TNPO3: variants seen among roughly 807,000 people sequenced by gnomAD.
The protein encoded by TNPO3 is transportin-3.
In TNPO3, 65 loss-of-function variants were observed where a neutral mutation model predicts 122.8. That is an observed-to-expected ratio of 0.53 (90% CI 0.43 to 0.65). The LOEUF (loss-of-function observed/expected upper bound fraction) is 0.65, where lower values mean the gene tolerates loss of function less well. TNPO3 is among the 30% of genes least tolerant of loss of function. The pLI is 0.00. For synonymous variants in TNPO3, 372 were observed against 411.2 expected, an observed-to-expected ratio of 0.90 and a Z score of 1.15; for missense variants, 850 against 1,136.7, an observed-to-expected ratio of 0.75 and a Z score of 3.63.
intron 12 of TNPO3, 46 bp downstream of exon 12, chr7:128,986,683 G>C: frequency 1.3e-6 from 2 of 1,517,316 alleles, no homozygotes; most frequent in Non-Finnish European, 1.8e-6. Context: ...ATTACCCCAG[G>C]TAGTGGCTTT....
chr7:129,018,314 T>A (rs1046215154), intron 1 of TNPO3, among the ~76,000 whole-genome samples, 157 bp from the exon 2 acceptor site: 1 of 152,226 alleles, frequency 6.6e-6, no homozygotes, highest in Non-Finnish European at 1.5e-5. Context: ...CAGTTCAATA[T>A]ACATTGTTAT....
At chr7:128,969,581 G>A (rs1798255541) in intron 20 of TNPO3, among the ~76,000 whole-genome samples, 1 of 152,086 alleles carries the variant, frequency 6.6e-6, no homozygotes, top group Non-Finnish European at 1.5e-5. Flanking sequence ...TTATGGTCAT[G>A]TGGCCCAGTA....
At chr7:129,009,970 A>G (rs1279559316) in intron 4 of TNPO3, among the ~76,000 whole-genome samples, 1 of 152,142 alleles carries the variant, frequency 6.6e-6, no homozygotes, top group Non-Finnish European at 1.5e-5. Context: ...ACCTGGTTGG[A>G]CCTAAATGAA....
At chr7:129,001,852 G>A (rs11763959) in intron 5 of TNPO3, among the ~76,000 whole-genome samples, 63,067 of 151,984 alleles carry the variant, frequency 0.41, 13,708 homozygotes, top group East Asian at 0.47. Context: ...CAAATGGAAA[G>A]CCATGTGTTC....
At chr7:128,956,708 C>T (rs368756102) in intron 22 of TNPO3, among the ~76,000 whole-genome samples, 3 of 152,138 alleles carry the variant, frequency 2.0e-5, no homozygotes, top group South Asian at 2.1e-4. Flanking sequence ...CCAAGCATTT[C>T]GGATAAGGGA....
chr7:128,974,878 G>C lies in TNPO3; in HGVS notation c.2263C>G (p.Leu755Val). ...TTCAGAAGGATTTACCTGGTGGCTA[G>C]CCGGAACAGGTCATCTACAGTGTCA... ...HPDTVDDLFR[L>V]ATRFIQRSPV... is the part of the protein sequence containing the mutation. The change falls in exon 18 of 23, where the codon CTA becomes GTA. Residue 755 changes from leucine (L) to valine (V), a missense_variant. By Grantham distance (32) the Leu-to-Val change is conservative (BLOSUM62 1). Coordinates refer to ENST00000265388, the MANE Select transcript of TNPO3 (RefSeq NM_012470.4). 7 of 1,613,976 alleles carry C rather than the reference G, an allele frequency of 4.3e-6. No individual in the cohort carries two copies. The highest frequency in any genetic ancestry group is 2.2e-5 in the East Asian group (1 of 44,882).
At chr7:129,006,700 A>G (rs1802614583) in intron 4 of TNPO3, among the ~76,000 whole-genome samples, 1 of 152,218 alleles carries the variant, frequency 6.6e-6, no homozygotes, top group Non-Finnish European at 1.5e-5. Context: ...GTTACAATGC[A>G]GATATAAACT....
intron 8 of TNPO3, among the ~76,000 whole-genome samples, chr7:128,996,071 T>C (rs1169101077): frequency 1.3e-5 from 2 of 152,146 alleles, no homozygotes; most frequent in African/African-American, 4.8e-5. Context: ...TGACTAAGGT[T>C]GTGTGGAGAT....
chr7:129,050,979 C>G (rs1292517815), intron 1 of TNPO3, among the ~76,000 whole-genome samples: 1 of 152,170 alleles, frequency 6.6e-6, no homozygotes, highest in Non-Finnish European at 1.5e-5. Context: ...AATTATCCAA[C>G]AGACCTAGCG....
At chr7:129,051,107 G>C (rs1341003765) in intron 1 of TNPO3, among the ~76,000 whole-genome samples, 1 of 151,158 alleles carries the variant, frequency 6.6e-6, no homozygotes, top group Non-Finnish European at 1.5e-5. Context: ...ACTGAGATTT[G>C]AGGGTGACTT....
intron 3 of TNPO3, among the ~76,000 whole-genome samples, chr7:129,015,631 G>A (rs183023066): frequency 6.6e-5 from 10 of 152,088 alleles, no homozygotes; most frequent in Admixed American, 5.2e-4. Flanking sequence ...CCACAAGTTC[G>A]AGACCAGCCT....
At chr7:129,028,816 G>A (rs1050895592) in intron 1 of TNPO3, 11 of 252,236 alleles carry the variant, frequency 4.4e-5, no homozygotes, top group Non-Finnish European at 7.7e-5. Flanking sequence ...GTCTTTGTGA[G>A]AAGCTGGAAA....
chr7:129,045,982 G>A (rs1193779242), intron 1 of TNPO3, among the ~76,000 whole-genome samples: 2 of 152,022 alleles, frequency 1.3e-5, no homozygotes, highest in East Asian at 1.9e-4. Context: ...GGTGGATCAC[G>A]AGATCAGGAG....
At chr7:128,960,642 A>T (rs1797354206) in intron 21 of TNPO3, among the ~76,000 whole-genome samples, 1 of 151,926 alleles carries the variant, frequency 6.6e-6, no homozygotes, top group African/African-American at 2.4e-5. Context: ...AAATTTTTTA[A>T]TGAGCTGTAC....
rs1801440380 is a variant in TNPO3 at position 128,997,331 on chromosome 7, A to G, written c.1158+58T>C. 4 of 1,589,658 alleles carry G rather than the reference A, an allele frequency of 2.5e-6. No individual in the cohort carries two copies. In the African/African-American group the frequency reaches 5.4e-5, roughly 21 times the overall value. ...TATCTATCTTCTCAGTTCCTTTTCAAGTTGGCACTGACAAGAGGAAGAAAT... is the reference window on the plus strand; with the variant it reads ...TATCTATCTTCTCAGTTCCTTTTCAGGTTGGCACTGACAAGAGGAAGAAAT... On this transcript the variant is annotated intron_variant, in intron 8 of 22. Coordinates refer to ENST00000265388, the MANE Select transcript of TNPO3 (RefSeq NM_012470.4).
At chr7:128,988,810 G>A (rs1800446441) in intron 11 of TNPO3, among the ~76,000 whole-genome samples, 1 of 152,304 alleles carries the variant, frequency 6.6e-6, no homozygotes, top group African/African-American at 2.4e-5. Flanking sequence ...CAGGCGTGGT[G>A]GCTCACGCCT....
intron 1 of TNPO3, among the ~76,000 whole-genome samples, chr7:129,032,292 GA>G (rs1806042712): frequency 6.6e-6 from 1 of 152,154 alleles, no homozygotes; most frequent in Non-Finnish European, 1.5e-5. Context: ...GTAAGATCAG[GA>G]ACAAGACTAG....
chr7:129,026,340 GA>G (rs2150474847), intron 1 of TNPO3, among the ~76,000 whole-genome samples: 1 of 151,798 alleles, frequency 6.6e-6, no homozygotes, highest in East Asian at 1.9e-4. Flanking sequence ...GGTTAACTTG[GA>G]GGGTAGGGAT....
At chr7:129,034,894 CAAAAA>C (rs1219082555) in intron 1 of TNPO3, among the ~76,000 whole-genome samples, 1 of 48,388 alleles carries the variant, frequency 2.1e-5, no homozygotes. Context: ...GACTCTGTCT[CAAAAA>C]AAAAAAAAAA....
Sources: gnomAD v4.1 joint callset for allele counts (sites outside exome capture counted in the v4.1 genomes callset) on GRCh38, gnomAD v4.1.1 for gene constraint, MANE v1.5 for transcripts, NCBI Gene and HGNC (gene_info 2026-07-23, HGNC 2026-07-21) for gene names.